Variants in CD247 observed in about 807,000 individuals in gnomAD.
The protein encoded by CD247 is CD247 molecule.
CD247 carries 13 observed loss-of-function variants against 30.0 expected under a neutral mutation model. The ratio of observed to expected loss-of-function variants is 0.43; its 90% CI spans 0.28 to 0.69. The LOEUF is 0.69. CD247 is among the 30% of genes least tolerant of loss of function. The pLI, the probability that CD247 is intolerant of heterozygous loss-of-function variation, is 0.16. For synonymous variants in CD247, 72 were observed against 80.0 expected (o/e 0.90, Z 0.53); for missense variants, 193 against 212.6 (o/e 0.91, Z 0.57).
chr1:167,473,125 A>C (rs878968989), intron 1 of CD247, among the ~76,000 whole-genome samples: 19 of 150,522 alleles, frequency 1.3e-4, no homozygotes, highest in African/African-American at 2.7e-4. Context: ...ACACACACAC[A>C]CCCATCTGTA....
chr1:167,477,792 G>T (rs1260352772), intron 1 of CD247, among the ~76,000 whole-genome samples: 1 of 152,238 alleles, frequency 6.6e-6, no homozygotes, highest in Non-Finnish European at 1.5e-5. Context: ...GCCTCCCAAA[G>T]TGCTGAGATG....
rs1652177700 is a variant in CD247, at chr1:167,448,053, T to G, written c.59-7286A>C. ...CCACAGCATCCAGGCACCCAGACCA[T>G]CCCCCTCAGTGGGTTGCTCCCTTTC... On this transcript the variant is annotated intron_variant, in intron 1 of 7. Transcript: ENST00000362089. 2.6e-5 allele frequency among the ~76,000 whole-genome samples: 4 copies of G among 152,120 alleles called. No homozygotes were observed. In the South Asian group the frequency reaches 8.3e-4, roughly 32 times the overall value.
At chr1:167,461,441 T>C (rs145585159) in intron 1 of CD247, among the ~76,000 whole-genome samples, 1 of 152,244 alleles carries the variant, frequency 6.6e-6, no homozygotes, top group Non-Finnish European at 1.5e-5. Flanking sequence ...TTACAGCAAC[T>C]GTTAGCAGTG....
chr1:167,496,929 C>G (rs559964224), intron 1 of CD247, among the ~76,000 whole-genome samples: 1 of 152,214 alleles, frequency 6.6e-6, no homozygotes, highest in Admixed American at 6.5e-5. Context: ...AAGCAGGCCC[C>G]GGAGAGCGGG....
chr1:167,506,341 TCCCTC>T (rs369287897), intron 1 of CD247, among the ~76,000 whole-genome samples: 163 of 148,110 alleles, frequency 1.1e-3, no homozygotes, highest in East Asian at 5.0e-3. Flanking sequence ...CTTTCTCCTC[TCCCTC>T]CCCTCCCCTC....
At chr1:167,500,258 A>T (rs952159172) in intron 1 of CD247, among the ~76,000 whole-genome samples, 1 of 152,242 alleles carries the variant, frequency 6.6e-6, no homozygotes, top group Non-Finnish European at 1.5e-5. Flanking sequence ...TCCATTCTCC[A>T]TGTGATGAAA....
chr1:167,431,108 C>T lies in CD247; in HGVS notation c.*573G>A. The stretch of plus-strand genomic sequence containing the variant: ...CAGGCCCTGGCTGACCCTCCCCTGC[C>T]CGCCCACCTTCCCATGCCCCTGCAG... On this transcript the variant is annotated 3_prime_UTR_variant, in exon 8 of 8. Coordinates refer to ENST00000362089, the MANE Select transcript of CD247 (RefSeq NM_198053.3). 2.4e-6 allele frequency: 1 copy of T among 423,498 alleles called. No individual in the cohort carries two copies. Among genetic ancestry groups the T allele is most frequent in the Non-Finnish European group, 4.2e-6 (1 of 239,862 alleles). 26.2% of individuals were successfully genotyped at this position (423,498 alleles called of 1,614,324 possible).
At chr1:167,447,697 C>T (rs1416861189) in intron 1 of CD247, among the ~76,000 whole-genome samples, 2 of 152,084 alleles carry the variant, frequency 1.3e-5, no homozygotes, top group East Asian at 3.9e-4. Flanking sequence ...GTGTGACACT[C>T]AAATGGGAAG....
intron 4 of CD247, among the ~76,000 whole-genome samples, chr1:167,438,326 A>G (rs1651643599): frequency 6.6e-6 from 1 of 152,200 alleles, no homozygotes; most frequent in Non-Finnish European, 1.5e-5. Flanking sequence ...GGAAGTGGGT[A>G]GAGCTTAGAC....
At chr1:167,434,217 T>TTA in intron 5 of CD247, 141 bp from the exon 6 acceptor site, 1 of 777,232 alleles carries the variant, frequency 1.3e-6, no homozygotes, top group East Asian at 2.5e-5. Flanking sequence ...GCTCCAAACC[T>TTA]TATGCACACA....
chr1:167,486,707 C>T (rs571973168), intron 1 of CD247, among the ~76,000 whole-genome samples: 1 of 152,234 alleles, frequency 6.6e-6, no homozygotes, highest in Admixed American at 6.5e-5. Context: ...CCCCCTGCAA[C>T]CCCCAGGAAA....
intron 1 of CD247, among the ~76,000 whole-genome samples, chr1:167,491,836 AG>A (rs1364395215): frequency 1.3e-5 from 2 of 152,244 alleles, no homozygotes; most frequent in African/African-American, 4.8e-5. Flanking sequence ...ATGAAAGTTG[AG>A]GGCATTAGGC....
chr1:167,474,638 A>T (rs1653670521), intron 1 of CD247, among the ~76,000 whole-genome samples: 1 of 151,994 alleles, frequency 6.6e-6, no homozygotes, highest in Admixed American at 6.6e-5. Flanking sequence ...ACCAGCGAAG[A>T]CTACTGGACT....
At chr1:167,458,726 C>G (rs1478500705) in intron 1 of CD247, 1 of 101,162 alleles carries the variant, frequency 9.9e-6, no homozygotes, top group African/African-American at 4.2e-5. Flanking sequence ...GAGACAGGGT[C>G]TTGCTCTCTT....
At chr1:167,434,772 A>T in intron 5 of CD247, 1 of 454,944 alleles carries the variant, frequency 2.2e-6, no homozygotes, top group Non-Finnish European at 4.4e-6. Context: ...ATTACTCGGC[A>T]CTTTTCAGCT....
chr1:167,514,688 G>T lies in CD247; in HGVS notation c.58+3720C>A, dbSNP rs1232504617. Among the ~76,000 whole-genome samples, 5 of 152,022 alleles carry T rather than the reference G, an allele frequency of 3.3e-5. No homozygotes were observed. In the East Asian group the frequency reaches 9.7e-4, roughly 29 times the overall value. On this transcript the variant is annotated intron_variant, in intron 1 of 7. Transcript: ENST00000362089. ...TTTAGTGTTAATAAAAATTAGCCTT[G>T]GCCGAAGCAGAGCTAAGAAATTTAT...
At chr1:167,434,255 C>T in intron 5 of CD247, 179 bp from the exon 6 acceptor site, 1 of 674,426 alleles carries the variant, frequency 1.5e-6, no homozygotes, top group Non-Finnish European at 2.7e-6. Flanking sequence ...CCAGCTCCAG[C>T]CCACCCCCCT....
intron 4 of CD247, 58 bp downstream of exon 4, chr1:167,438,512 C>G: frequency 4.3e-6 from 6 of 1,382,128 alleles, no homozygotes; most frequent in Non-Finnish European, 6.2e-6. Context: ...TCCCCCACAG[C>G]CTGGGCTGAG....
intron 1 of CD247, among the ~76,000 whole-genome samples, chr1:167,482,745 T>C (rs1048690202): frequency 9.2e-5 from 14 of 152,190 alleles, no homozygotes; most frequent in Non-Finnish European, 1.5e-5. Flanking sequence ...CCTATTCACC[T>C]GGGAGAGAGG....
Sources: gnomAD v4.1 joint callset for allele counts (sites outside exome capture counted in the v4.1 genomes callset) on GRCh38, gnomAD v4.1.1 for gene constraint, MANE v1.5 for transcripts, NCBI Gene and HGNC (gene_info 2026-07-23, HGNC 2026-07-21) for gene names.